The following NCAPD2 variants were observed in gnomAD, a reference collection of about 807,000 sequenced individuals.
NCAPD2 encodes the protein condensin complex subunit 1.
In NCAPD2, 100 loss-of-function variants were observed where a neutral mutation model predicts 164.5. The observed-to-expected ratio is 0.61, with a 90% CI of 0.52 to 0.72. The LOEUF (loss-of-function observed/expected upper bound fraction) is 0.72. Among genes scored for constraint, NCAPD2 ranks in the 30% least tolerant of loss-of-function variants. The pLI is 0.00. For missense variants in NCAPD2, 1,560 were observed against 1,749.2 expected, an observed-to-expected ratio of 0.89 and a Z score of 1.93; for synonymous variants, 585 against 642.6, an observed-to-expected ratio of 0.91 and a Z score of 1.36.
intron 2 of NCAPD2, among the ~76,000 whole-genome samples, chr12:6,503,965 G>A (rs1442404731): frequency 6.6e-6 from 1 of 151,744 alleles, no homozygotes; most frequent in East Asian, 1.9e-4. Flanking sequence ...GCGACAGAGC[G>A]AGACTCCGTC....
At chr12:6,523,128 AGTGGGGCTTAGG>A in intron 16 of NCAPD2, 122 bp from the exon 17 acceptor site, 1 of 1,436,112 alleles carries the variant, frequency 7.0e-7, no homozygotes, top group Non-Finnish European at 9.7e-7. Context: ...AGTCCATCAT[AGTGGGGCTTAGG>A]GTGGGGCTCG....
intron 17 of NCAPD2, among the ~76,000 whole-genome samples, chr12:6,523,831 T>G (rs1349632823): frequency 6.6e-6 from 1 of 152,214 alleles, no homozygotes; most frequent in Non-Finnish European, 1.5e-5. Context: ...CCACAGAACA[T>G]TTTTAGAACA....
intron 13 of NCAPD2, among the ~76,000 whole-genome samples, chr12:6,518,518 T>TTTG (rs1946231461): frequency 8.9e-6 from 1 of 112,972 alleles, no homozygotes; most frequent in African/African-American, 3.8e-5. Flanking sequence ...TTTTTTTTTT[T>TTTG]TTTTTTTTTT....
At chr12:6,512,563 C>T (rs1946161694) in intron 6 of NCAPD2, among the ~76,000 whole-genome samples, 1 of 152,210 alleles carries the variant, frequency 6.6e-6, no homozygotes, top group Non-Finnish European at 1.5e-5. Context: ...GCCATGGGAG[C>T]AGTGGGGAGC....
chr12:6,521,156 GTA>G (rs774586386), intron 14 of NCAPD2, 46 bp downstream of exon 14: 1 of 1,603,170 alleles, frequency 6.2e-7, no homozygotes, highest in South Asian at 1.1e-5. Context: ...ATGTCAACTG[GTA>G]TTTACTGAGC....
At chr12:6,503,008 CTTTTTT>C (rs58563520) in intron 2 of NCAPD2, among the ~76,000 whole-genome samples, 2 of 86,286 alleles carry the variant, frequency 2.3e-5, no homozygotes, top group Non-Finnish European at 4.6e-5. Flanking sequence ...CCACACCTGG[CTTTTTT>C]TTTTTTTTTT....
Position 6,529,782 on chromosome 12 carries a change from C to A in NCAPD2, c.3661C>A (p.Arg1221=). 6.2e-7 allele frequency: 1 copy of A among 1,612,010 alleles called. No individual in the cohort carries two copies. Among genetic ancestry groups the A allele is most frequent in the Non-Finnish European group, 8.5e-7 (1 of 1,178,718 alleles). Residue 1221 remains arginine (R), a synonymous_variant, in exon 29 of 32, where the codon CGG becomes AGG. Coordinates refer to ENST00000315579, the MANE Select transcript of NCAPD2 (RefSeq NM_014865.4). ...CQRFRTSRTE[R]QQRDLAYCVS... The stretch of plus-strand genomic sequence containing the variant: ...AGCCCTTCCTATCTGCAGAACTGAG[C>A]GGCAGCAGCGAGACCTGGCCTACTG...
At chr12:6,527,127 C>G in intron 22 of NCAPD2, 64 bp downstream of exon 22, 2 of 1,450,148 alleles carry the variant, frequency 1.4e-6, no homozygotes, top group Non-Finnish European at 9.2e-7. Context: ...CTGAGCTGAT[C>G]CCCTTCCGGC....
In NCAPD2 at chr12:6,494,130, T is replaced by A. The variant is rs1234940704; in HGVS notation, c.-48T>A. On this transcript the variant is annotated 5_prime_UTR_variant, in exon 1 of 32. Transcript: ENST00000315579. ...TTTCATTTCAGCCTGACTGCCGGAA[T>A]CAGAGCCGCGGGTGAGATCCCCAGG... is the stretch of plus-strand genomic sequence containing the variant. The A allele has an allele frequency of 6.6e-6, 1 of 152,318 alleles. No individual in the cohort carries two copies. Among genetic ancestry groups the A allele is most frequent in the Non-Finnish European group, 1.5e-5 (1 of 68,082 alleles). 9.4% of individuals were successfully genotyped at this position (152,318 alleles called of 1,614,324 possible).
At chr12:6,521,700 AG>A (rs911190820) in intron 14 of NCAPD2, 97 bp from the exon 15 acceptor site, 25 of 1,442,440 alleles carry the variant, frequency 1.7e-5, no homozygotes, top group Non-Finnish European at 2.1e-5. Context: ...GAAAAGAAGA[AG>A]GAAAATAAAT....
chr12:6,501,134 C>T (rs10849472), intron 2 of NCAPD2, among the ~76,000 whole-genome samples: 6 of 147,860 alleles, frequency 4.1e-5, no homozygotes, highest in Non-Finnish European at 7.4e-5. Flanking sequence ...GATCTTGGCT[C>T]GCTGCAACCT....
intron 6 of NCAPD2, among the ~76,000 whole-genome samples, chr12:6,511,622 C>T (rs1405861374): frequency 6.6e-6 from 1 of 152,056 alleles, no homozygotes; most frequent in Non-Finnish European, 1.5e-5. Context: ...AGCCACCACG[C>T]CCAGCCAGAA....
chr12:6,522,937 T>C lies in NCAPD2; in HGVS notation c.2064T>C (p.Gly688=), dbSNP rs772891342. The C allele has an allele frequency of 6.2e-7, 1 of 1,614,226 alleles. No individual in the cohort carries two copies. Among genetic ancestry groups the C allele is most frequent in the East Asian group, 2.2e-5 (1 of 44,876 alleles). ...MLPLIWSKEP[G]VREAVLNAYR... ...CTCTCATCTGGTCTAAGGAGCCTGG[T>C]GTCCGGGAAGCCGTGCTTAATGCCT... Residue 688 remains glycine, a synonymous_variant, in exon 16 of 32, where the codon GGT becomes GGC. Coordinates refer to ENST00000315579, the MANE Select transcript of NCAPD2 (RefSeq NM_014865.4).
intron 18 of NCAPD2, 96 bp from the exon 19 acceptor site, chr12:6,525,972 A>G: frequency 6.7e-7 from 1 of 1,491,614 alleles, no homozygotes; most frequent in Non-Finnish European, 9.1e-7. Flanking sequence ...GGCTCTAGAC[A>G]CCACATGAGG....
intron 1 of NCAPD2, among the ~76,000 whole-genome samples, chr12:6,494,423 C>T (rs1003645862): frequency 1.1e-4 from 17 of 152,180 alleles, no homozygotes; most frequent in Admixed American, 2.0e-4. Flanking sequence ...AATTTCCGCT[C>T]TGTAAACTCA....
At chr12:6,530,248 G>C (rs751634497) in intron 29 of NCAPD2, among the ~76,000 whole-genome samples, 2 of 152,228 alleles carry the variant, frequency 1.3e-5, no homozygotes, top group Non-Finnish European at 2.9e-5. Context: ...TGAGCAGAAA[G>C]TACAGGGAGT....
chr12:6,525,794 A>T, intron 18 of NCAPD2, 78 bp downstream of exon 18: 1 of 1,564,696 alleles, frequency 6.4e-7, no homozygotes, highest in Non-Finnish European at 8.7e-7. Context: ...CTTCAGTGAC[A>T]TTGTCACAGT....
intron 2 of NCAPD2, among the ~76,000 whole-genome samples, chr12:6,503,797 G>A (rs986238512): frequency 2.7e-4 from 40 of 148,864 alleles, no homozygotes; most frequent in African/African-American, 9.7e-4. Flanking sequence ...AAAAAAGATG[G>A]TGAAACCCCG....
Position 6,517,418 on chromosome 12 carries a change from G to C in NCAPD2, c.1239G>C (p.Leu413=). 1 of 1,614,220 alleles carries C rather than the reference G, an allele frequency of 6.2e-7. No individual in the cohort carries two copies. Among genetic ancestry groups the C allele is most frequent in the Non-Finnish European group, 8.5e-7 (1 of 1,180,042 alleles). ...QAVVALAVGR[L]ADKSVLVCKN... is the part of the protein sequence containing the mutation. ...TGGTGGCTTTAGCTGTGGGACGTCT[G>C]GCAGACAAGTCAGTGCTAGTATGTA... Residue 413 remains leucine, a synonymous_variant, in exon 11 of 32, where the codon CTG becomes CTC. Transcript: ENST00000315579.
Sources: allele counts gnomAD v4.1 joint callset (sites outside exome capture counted in the v4.1 genomes callset), GRCh38; gene constraint gnomAD v4.1.1; transcripts MANE v1.5; gene names NCBI Gene and HGNC (gene_info 2026-07-23, HGNC 2026-07-21).